Variants in PRKAG2 observed in about 807,000 individuals in gnomAD.
The protein encoded by PRKAG2 is 5'-AMP-activated protein kinase subunit gamma-2.
Under a neutral mutation model 69.6 loss-of-function variants are expected in PRKAG2, and 26 were observed. That is an observed-to-expected ratio of 0.37 (90% confidence interval 0.27 to 0.52). The LOEUF is 0.52. Ranked by LOEUF, PRKAG2 falls within the 20% of genes least tolerant of loss-of-function variation. PRKAG2 has a pLI of 0.90. For synonymous variants in PRKAG2, 293 were observed against 285.0 expected (o/e 1.03, Z -0.28); for missense variants, 557 against 740.0 (o/e 0.75, Z 2.87).
intron 3 of PRKAG2, among the ~76,000 whole-genome samples, chr7:151,741,536 A>C (rs2073891025): frequency 6.6e-6 from 1 of 151,728 alleles, no homozygotes; most frequent in Non-Finnish European, 1.5e-5. Flanking sequence ...TTAGCTGGGC[A>C]TGGTGGTGCA....
chr7:151,692,360 A>G (rs1185013657), intron 3 of PRKAG2, among the ~76,000 whole-genome samples: 2 of 152,214 alleles, frequency 1.3e-5, no homozygotes, highest in Non-Finnish European at 2.9e-5. Context: ...ATATATACAT[A>G]CTATATATTT....
intron 3 of PRKAG2, among the ~76,000 whole-genome samples, chr7:151,730,873 C>T (rs1334130252): frequency 6.6e-6 from 1 of 152,094 alleles, no homozygotes; most frequent in Admixed American, 6.6e-5. Flanking sequence ...CGTAGTCATG[C>T]GGTGTGGGCT....
At chr7:151,707,412 G>A (rs990164411) in intron 3 of PRKAG2, among the ~76,000 whole-genome samples, 1 of 152,068 alleles carries the variant, frequency 6.6e-6, no homozygotes. Flanking sequence ...CGGAGAAGCT[G>A]CTATATAATG....
intron 3 of PRKAG2, among the ~76,000 whole-genome samples, chr7:151,694,600 A>G (rs1836278109): frequency 6.6e-6 from 1 of 152,170 alleles, no homozygotes; most frequent in Non-Finnish European, 1.5e-5. Context: ...CTCAAGGTTC[A>G]TCCACAAGGC....
At chr7:151,598,072 A>G (rs1174469533) in intron 5 of PRKAG2, among the ~76,000 whole-genome samples, 1 of 152,222 alleles carries the variant, frequency 6.6e-6, no homozygotes, top group Non-Finnish European at 1.5e-5. Context: ...TGTCGCCAAA[A>G]GATGAATGGA....
chr7:151,696,181 C>T (rs1473155536), intron 3 of PRKAG2, among the ~76,000 whole-genome samples: 1 of 152,236 alleles, frequency 6.6e-6, no homozygotes, highest in Non-Finnish European at 1.5e-5. Flanking sequence ...TCCTCCTCCT[C>T]CCTTCTCCTT....
At chr7:151,752,681 A>G (rs1244560481) in intron 3 of PRKAG2, among the ~76,000 whole-genome samples, 1 of 152,240 alleles carries the variant, frequency 6.6e-6, no homozygotes, top group Non-Finnish European at 1.5e-5. Context: ...CCTGTTCTTT[A>G]AAGTAGCATT....
At chr7:151,717,072 C>A (rs565780746) in intron 3 of PRKAG2, among the ~76,000 whole-genome samples, 1 of 152,136 alleles carries the variant, frequency 6.6e-6, no homozygotes, top group African/African-American at 2.4e-5. Context: ...CATGGCAAAA[C>A]CCTGTCTCTA....
At chr7:151,793,004 G>A (rs373480421) in intron 1 of PRKAG2, among the ~76,000 whole-genome samples, 195 of 152,318 alleles carry the variant, frequency 1.3e-3, no homozygotes, top group South Asian at 2.1e-3. Flanking sequence ...GGACATATCC[G>A]GACTTCAGTT....
chr7:151,624,165 T>C lies in PRKAG2; in HGVS notation c.754+7904A>G, dbSNP rs146032258. Among the ~76,000 whole-genome samples, 465 of 133,360 alleles carry C rather than the reference T, an allele frequency of 3.5e-3. 2 individuals carry two copies. Among genetic ancestry groups the C allele is most frequent in the Non-Finnish European group, 5.7e-3 (347 of 61,032 alleles). 87.5% of individuals were successfully genotyped at this position (133,360 alleles called of 152,430 possible). A position where few individuals can be genotyped will look rare whatever the true frequency, so the allele number is the denominator to read the frequency against. The stretch of plus-strand genomic sequence containing the variant: ...GTGTGTGTGTGTGTGTGTGTGTGTG[T>C]GTACATATATATATATTTTTTTTTT... On this transcript the variant is annotated intron_variant, in intron 5 of 15. Coordinates refer to ENST00000287878, the MANE Select transcript of PRKAG2 (RefSeq NM_016203.4).
At chr7:151,617,989 G>A (rs550020399) in intron 5 of PRKAG2, among the ~76,000 whole-genome samples, 1 of 152,200 alleles carries the variant, frequency 6.6e-6, no homozygotes, top group African/African-American at 2.4e-5. Context: ...CAAAGAAGAG[G>A]AATGTGACAG....
At position 151,780,077 on chromosome 7, in the gene PRKAG2, T is replaced by C. The variant is rs922416532; in HGVS notation, c.466+1075A>G. Among the ~76,000 whole-genome samples the C allele has an allele frequency of 2.0e-5, 3 of 152,196 alleles. No individual in the cohort carries two copies. The East Asian group carries it at 5.8e-4, about 29-fold the overall frequency. ...CGGGAGCACCTTCATTTGTTTTATGTAGAAAGACGAAGTGCAAAATCTGTC... is the reference window on the plus strand; with the variant it reads ...CGGGAGCACCTTCATTTGTTTTATGCAGAAAGACGAAGTGCAAAATCTGTC... On this transcript the variant is annotated intron_variant, in intron 3 of 15. Coordinates refer to ENST00000287878, the MANE Select transcript of PRKAG2 (RefSeq NM_016203.4). This position sits in a 1 kb window ranked among gnomAD's most constrained non-coding sequence, Gnocchi z 4.2.
At position 151,758,547 on chromosome 7, in the gene PRKAG2, C is replaced by T. The variant is rs374507342; in HGVS notation, c.466+22605G>A. ...CATGTTGAGCTCTAGGAGCTGGGAG[C>T]CCACAGAAAGGAAAACAGAGCAGGG... On this transcript the variant is annotated intron_variant, in intron 3 of 15. Transcript: ENST00000287878. Among the ~76,000 whole-genome samples the T allele has an allele frequency of 1.2e-4, 18 of 152,218 alleles. 1 individual carries two copies. In the East Asian group the frequency reaches 2.3e-3, roughly 20 times the overall value.
At chr7:151,849,190 C>T (rs1042296014) in intron 1 of PRKAG2, among the ~76,000 whole-genome samples, 1 of 152,250 alleles carries the variant, frequency 6.6e-6, no homozygotes, top group East Asian at 1.9e-4. Context: ...CCTGGCAGGC[C>T]GCAGGCCCTG....
intron 4 of PRKAG2, among the ~76,000 whole-genome samples, chr7:151,655,325 G>A (rs771561065): frequency 9.2e-5 from 14 of 152,040 alleles, no homozygotes; most frequent in Non-Finnish European, 1.5e-4. Context: ...TGAGCTGATC[G>A]CTCCTAAGAA....
intron 2 of PRKAG2, among the ~76,000 whole-genome samples, chr7:151,782,022 A>G (rs1234242355): frequency 6.6e-6 from 1 of 152,120 alleles, no homozygotes; most frequent in Admixed American, 6.6e-5. Flanking sequence ...CTGTAATCCC[A>G]GCATTTTGGA....
rs539697239 is a variant in PRKAG2 at position 151,628,385 on chromosome 7, T to C, written c.754+3684A>G. Among the ~76,000 whole-genome samples, 7 of 152,292 alleles carry C rather than the reference T, an allele frequency of 4.6e-5. No individual in the cohort carries two copies. The East Asian group carries it at 1.4e-3, about 29-fold the overall frequency. On this transcript the variant is annotated intron_variant, in intron 5 of 15. Coordinates refer to ENST00000287878, the MANE Select transcript of PRKAG2 (RefSeq NM_016203.4). ...ACAAACACAGCAAAGACGTGGTCGG[T>C]GTAACAATTACAAATGTAAAAAGCA...
chr7:151,814,928 C>T lies in PRKAG2; in HGVS notation c.115-28387G>A. The T allele has an allele frequency of 3.4e-6, 4 of 1,193,816 alleles. No individual in the cohort carries two copies. Among genetic ancestry groups the T allele is most frequent in the Non-Finnish European group, 4.2e-6 (4 of 954,026 alleles). The allele number at this position is 1,193,816 out of a possible 1,614,324, so 74.0% of individuals were successfully genotyped here. On this transcript the variant is annotated intron_variant, in intron 1 of 15. Coordinates refer to ENST00000287878, the MANE Select transcript of PRKAG2 (RefSeq NM_016203.4). This position sits in a 1 kb window ranked among gnomAD's most constrained non-coding sequence, Gnocchi z 4.8. Reference sequence around the variant, plus strand: ...GGCTGGACCGGAGCTTTTAAAAAGACAGGCAGCAGGATGGAGGGAGGCAGG... The same window carrying T: ...GGCTGGACCGGAGCTTTTAAAAAGATAGGCAGCAGGATGGAGGGAGGCAGG...
chr7:151,649,646 G>A (rs992850827), intron 4 of PRKAG2, among the ~76,000 whole-genome samples: 8 of 152,118 alleles, frequency 5.3e-5, no homozygotes, highest in Admixed American at 2.0e-4. Flanking sequence ...TGCTGTCCTC[G>A]TGATAGTCAG....
Sources: allele counts gnomAD v4.1 joint callset (sites outside exome capture counted in the v4.1 genomes callset), GRCh38; gene constraint gnomAD v4.1.1; non-coding constraint Gnocchi (gnomAD v3.1); transcripts MANE v1.5; gene names NCBI Gene and HGNC (gene_info 2026-07-23, HGNC 2026-07-21).